The following ZNF92 variants were observed in gnomAD, a reference collection of about 807,000 sequenced individuals.
ZNF92 encodes the protein epididymis luminal protein 203.
Under a neutral mutation model 12.4 loss-of-function variants are expected in ZNF92, and 11 were observed. That is an observed-to-expected ratio of 0.89 (90% CI 0.56 to 1.47). ZNF92 has a LOEUF of 1.47. Ranked by LOEUF, ZNF92 falls within the 40% of genes most tolerant of loss-of-function variation. ZNF92 has a pLI of 0.00. For synonymous variants in ZNF92, 206 were observed against 228.6 expected (o/e 0.90, Z 0.89); for missense variants, 622 against 681.0 (o/e 0.91, Z 0.96).
At chr7:65,379,480 A>T (rs1484178728) in intron 1 of ZNF92, among the ~76,000 whole-genome samples, 4 of 151,936 alleles carry the variant, frequency 2.6e-5, no homozygotes, top group African/African-American at 9.7e-5. Context: ...AGGACTGAAA[A>T]CTTAGAGGAA....
intron 1 of ZNF92, among the ~76,000 whole-genome samples, chr7:65,376,628 G>T (rs1361199726): frequency 6.6e-6 from 1 of 151,984 alleles, no homozygotes; most frequent in Non-Finnish European, 1.5e-5. Flanking sequence ...TGTATTTTTG[G>T]TAGAGACAAG....
chr7:65,397,670 T>G (rs1793877301), intron 3 of ZNF92, among the ~76,000 whole-genome samples: 1 of 152,276 alleles, frequency 6.6e-6, no homozygotes, highest in South Asian at 2.1e-4. Context: ...TTGTCTTGGC[T>G]AGAGATTCCG....
At chr7:65,379,695 A>G (rs1339206247) in intron 1 of ZNF92, among the ~76,000 whole-genome samples, 5 of 151,970 alleles carry the variant, frequency 3.3e-5, no homozygotes, top group East Asian at 1.9e-4. Context: ...CCACCTCCAC[A>G]CTGAATCTAC....
chr7:65,384,035 T>C (rs149153441), intron 1 of ZNF92, among the ~76,000 whole-genome samples: 2 of 152,280 alleles, frequency 1.3e-5, no homozygotes, highest in East Asian at 3.9e-4. Context: ...TTGTGACTTC[T>C]GAGGTCATCA....
At position 65,400,012 on chromosome 7, in the gene ZNF92, G is replaced by C. The variant is rs1793969906; in HGVS notation, c.*137G>C. On this transcript the variant is annotated 3_prime_UTR_variant, in exon 4 of 4. Coordinates refer to ENST00000328747, the MANE Select transcript of ZNF92 (RefSeq NM_152626.4). ...ATTGTAGGTAAGATAATTTATATTGGAGAAAAATCCTCCAAGTATGAAGAA... is the reference window on the plus strand; with the variant it reads ...ATTGTAGGTAAGATAATTTATATTGCAGAAAAATCCTCCAAGTATGAAGAA... The C allele has an allele frequency of 2.6e-6, 2 of 767,218 alleles. No homozygotes were observed. Among genetic ancestry groups the C allele is most frequent in the African/African-American group, 3.5e-5 (2 of 56,750 alleles). 47.5% of individuals were successfully genotyped at this position (767,218 alleles called of 1,614,324 possible). A position where few individuals can be genotyped will look rare whatever the true frequency, so the allele number is the denominator to read the frequency against.
chr7:65,387,503 A>C (rs554399764), intron 1 of ZNF92, among the ~76,000 whole-genome samples: 1 of 150,454 alleles, frequency 6.6e-6, no homozygotes, highest in Non-Finnish European at 1.5e-5. Flanking sequence ...TTTATTCCAG[A>C]TGTTCTGAAA....
intron 3 of ZNF92, among the ~76,000 whole-genome samples, chr7:65,396,711 C>G (rs561648633): frequency 6.6e-6 from 1 of 152,118 alleles, no homozygotes; most frequent in South Asian, 2.1e-4. Flanking sequence ...TGCAATGTCT[C>G]ACTATGTTGC....
chr7:65,398,330 A>AT lies in ZNF92; in HGVS notation c.227-4dup, dbSNP rs776933875. 7 of 1,506,038 alleles carry AT rather than the reference A, an allele frequency of 4.6e-6. No homozygotes were observed. In the East Asian group the frequency reaches 9.1e-5, roughly 20 times the overall value. 93.3% of individuals were successfully genotyped at this position (1,506,038 alleles called of 1,614,324 possible). ...GTAAGTGAAGTAACTTGTTATTTTT[A>AT]TTTTTTTCAGTTATGTGTTCTCATT... On this transcript the variant is annotated splice_polypyrimidine_tract_variant and intron_variant, in intron 3 of 3. Coordinates refer to ENST00000328747, the MANE Select transcript of ZNF92 (RefSeq NM_152626.4).
chr7:65,388,863 G>A lies in ZNF92; in HGVS notation c.188G>A (p.Trp63Ter). 2 of 1,585,520 alleles carry A rather than the reference G, an allele frequency of 1.3e-6. No individual in the cohort carries two copies. Residue 63 changes from tryptophan (W) to a stop codon, truncating the protein, a stop_gained, in exon 3 of 4, where the codon TGG (tryptophan) becomes TAG (stop). Transcript: ENST00000328747. LOFTEE classifies it low-confidence loss of function (END_TRUNC). ...ITWLEQGKEP[W>*]NLKRHEMVDK... ...TGGCTGGAGCAAGGAAAAGAGCCCT[G>A]GAATCTGAAGAGACATGAGATGGTA...
At chr7:65,389,834 T>C (rs1793664647) in intron 3 of ZNF92, among the ~76,000 whole-genome samples, 1 of 151,716 alleles carries the variant, frequency 6.6e-6, no homozygotes, top group Non-Finnish European at 1.5e-5. Context: ...ATTATTAATA[T>C]TACTATTATT....
intron 1 of ZNF92, among the ~76,000 whole-genome samples, chr7:65,375,443 T>C (rs1793212840): frequency 6.6e-6 from 1 of 152,088 alleles, no homozygotes; most frequent in Non-Finnish European, 1.5e-5. Context: ...CTACTCTTCC[T>C]TTGAAAAGCT....
chr7:65,398,567 G>A lies in ZNF92; in HGVS notation c.453G>A (p.Val151=). ...DSKIFQCDKY[V]KVFHKFPNVN... ...AGATATTTCAGTGTGATAAATATGTGAAAGTCTTTCATAAATTTCCAAATG... is the reference window on the plus strand; with the variant it reads ...AGATATTTCAGTGTGATAAATATGTAAAAGTCTTTCATAAATTTCCAAATG... Residue 151 remains valine (V), a synonymous_variant, in exon 4 of 4, where the codon GTG becomes GTA. Transcript: ENST00000328747. The A allele has an allele frequency of 6.2e-7, 1 of 1,608,706 alleles. No individual in the cohort carries two copies. The highest frequency in any genetic ancestry group is 1.3e-5 in the African/African-American group (1 of 74,584).
intron 2 of ZNF92, among the ~76,000 whole-genome samples, chr7:65,388,563 G>A (rs1048946115): frequency 3.3e-5 from 5 of 151,808 alleles, no homozygotes; most frequent in East Asian, 1.9e-4. Context: ...GCTTGAACCC[G>A]GGAGGCAGAG....
intron 3 of ZNF92, 117 bp downstream of exon 3, chr7:65,389,018 G>T (rs1793643279): frequency 2.3e-6 from 2 of 856,204 alleles, no homozygotes; most frequent in African/African-American, 1.8e-5. Context: ...GGAGTGCAAG[G>T]GTGTGATCTT....
chr7:65,398,944 G>A lies in ZNF92; in HGVS notation c.830G>A (p.Arg277Lys). Reference protein sequence around the residue: ...NRSSTLTKHKRIHTEEKPYKC... With the variant: ...NRSSTLTKHKKIHTEEKPYKC... ...TCCTCAACCCTTACTAAACATAAAA[G>A]AATTCATACAGAAGAGAAACCCTAC... Residue 277 changes from arginine to lysine, a missense_variant, in exon 4 of 4, where the codon AGA becomes AAA. Coordinates refer to ENST00000328747, the MANE Select transcript of ZNF92 (RefSeq NM_152626.4). 2 of 1,611,154 alleles carry A rather than the reference G, an allele frequency of 1.2e-6. No individual in the cohort carries two copies. The highest frequency in any genetic ancestry group is 2.2e-5 in the East Asian group (1 of 44,688).
chr7:65,376,589 G>A (rs1793247399), intron 1 of ZNF92, among the ~76,000 whole-genome samples: 1 of 152,010 alleles, frequency 6.6e-6, no homozygotes, highest in Non-Finnish European at 1.5e-5. Context: ...TGACATTACA[G>A]GTGCGTGCCA....
At chr7:65,395,692 A>T (rs1291792511) in intron 3 of ZNF92, among the ~76,000 whole-genome samples, 1 of 152,114 alleles carries the variant, frequency 6.6e-6, no homozygotes, top group Non-Finnish European at 1.5e-5. Context: ...TATGGTAGTT[A>T]TAGATTCCTG....
At chr7:65,398,180 A>G (rs1052287672) in intron 3 of ZNF92, among the ~76,000 whole-genome samples, 161 bp from the exon 4 acceptor site, 18 of 152,036 alleles carry the variant, frequency 1.2e-4, no homozygotes, top group Non-Finnish European at 2.4e-4. Flanking sequence ...TTTGGTCAGT[A>G]TATTTTTGTT....
At chr7:65,383,810 C>G (rs897131858) in intron 1 of ZNF92, among the ~76,000 whole-genome samples, 7 of 152,098 alleles carry the variant, frequency 4.6e-5, no homozygotes, top group African/African-American at 1.4e-4. Flanking sequence ...TAGAATCAGC[C>G]TAAGTCTCTA....
Sources: allele counts gnomAD v4.1 joint callset (sites outside exome capture counted in the v4.1 genomes callset), GRCh38; gene constraint gnomAD v4.1.1; transcripts MANE v1.5; gene names NCBI Gene and HGNC (gene_info 2026-07-23, HGNC 2026-07-21).